The following DPYD variants were observed in gnomAD, a reference collection of about 807,000 sequenced individuals.
The protein encoded by DPYD is dihydropyrimidine dehydrogenase.
DPYD carries 109 observed loss-of-function variants against 116.2 expected under a neutral mutation model. The observed-to-expected ratio is 0.94, with a 90% confidence interval of 0.80 to 1.10. The LOEUF is 1.10. Ranked by LOEUF, DPYD falls within the 50% of genes least tolerant of loss-of-function variation. The pLI is 0.00. For missense variants in DPYD, 1,302 were observed against 1,254.5 expected, an observed-to-expected ratio of 1.04 and a Z score of -0.57; for synonymous variants, 440 against 432.0, an observed-to-expected ratio of 1.02 and a Z score of -0.23.
At chr1:97,871,210 T>A (rs1671643273) in intron 2 of DPYD, among the ~76,000 whole-genome samples, 1 of 151,954 alleles carries the variant, frequency 6.6e-6, no homozygotes, top group South Asian at 2.1e-4. Flanking sequence ...CTTATTGACC[T>A]ATAATACATC....
chr1:97,546,158 G>A (rs1296083930), intron 12 of DPYD: 5 of 1,428,632 alleles, frequency 3.5e-6, no homozygotes, highest in Non-Finnish European at 4.9e-6. Context: ...GTGCTGCAGA[G>A]GAACAGCCAG....
At chr1:97,443,457 T>A (rs1033065192) in intron 14 of DPYD, among the ~76,000 whole-genome samples, 4 of 152,180 alleles carry the variant, frequency 2.6e-5, no homozygotes, top group African/African-American at 9.7e-5. Context: ...CCTTCAATAG[T>A]TGCTTCAGCA....
At chr1:97,316,347 A>G (rs553696518) in intron 16 of DPYD, among the ~76,000 whole-genome samples, 1 of 149,978 alleles carries the variant, frequency 6.7e-6, no homozygotes, top group African/African-American at 2.4e-5. Context: ...AAAAAGAAAA[A>G]AAAAAACAAA....
At chr1:97,234,767 G>A (rs1052888669) in intron 19 of DPYD, 85 bp downstream of exon 19, 8 of 1,560,832 alleles carry the variant, frequency 5.1e-6, no homozygotes, top group South Asian at 1.1e-5. Flanking sequence ...GCCCAAAAAC[G>A]AATCTATTTT....
At chr1:97,261,674 TA>T (rs890735705) in intron 18 of DPYD, among the ~76,000 whole-genome samples, 11 of 152,102 alleles carry the variant, frequency 7.2e-5, no homozygotes, top group African/African-American at 2.4e-4. Context: ...AGTTAAGAGA[TA>T]AAACTGTGTT....
At chr1:97,092,552 A>G (rs1236409160) in intron 21 of DPYD, among the ~76,000 whole-genome samples, 4 of 151,958 alleles carry the variant, frequency 2.6e-5, no homozygotes, top group African/African-American at 9.7e-5. Context: ...AGAACTCCCT[A>G]CTTCTTCATA....
At chr1:97,388,284 T>C (rs1033905305) in intron 14 of DPYD, among the ~76,000 whole-genome samples, 1 of 152,220 alleles carries the variant, frequency 6.6e-6, no homozygotes, top group African/African-American at 2.4e-5. Flanking sequence ...CTAGTAAGCA[T>C]AGCATTAGTG....
chr1:97,582,890 T>G (rs545904062), intron 10 of DPYD, among the ~76,000 whole-genome samples: 20 of 152,232 alleles, frequency 1.3e-4, no homozygotes, highest in African/African-American at 4.8e-4. Flanking sequence ...ATGTAAGGAA[T>G]AATTTAGAGG....
intron 3 of DPYD, among the ~76,000 whole-genome samples, chr1:97,765,974 T>C (rs1025527654): frequency 2.0e-5 from 3 of 152,192 alleles, no homozygotes; most frequent in African/African-American, 7.2e-5. Context: ...CCAGGTGCGG[T>C]GGCTCACGCC....
chr1:97,458,526 C>T (rs1331449262), intron 13 of DPYD, among the ~76,000 whole-genome samples: 1 of 152,122 alleles, frequency 6.6e-6, no homozygotes, highest in Non-Finnish European at 1.5e-5. Context: ...GGTGTTTACC[C>T]TCAAGGTTTT....
chr1:97,912,382 C>T (rs898125126), intron 1 of DPYD, among the ~76,000 whole-genome samples: 3 of 152,044 alleles, frequency 2.0e-5, no homozygotes, highest in Admixed American at 2.0e-4. Flanking sequence ...TTTGATATCT[C>T]CACTCACAAG....
intron 14 of DPYD, among the ~76,000 whole-genome samples, chr1:97,402,914 C>T (rs180720035): frequency 4.1e-5 from 6 of 145,012 alleles, no homozygotes; most frequent in African/African-American, 1.5e-4. Context: ...AATTACATTA[C>T]CTGATTTTTT....
chr1:97,218,772 T>C (rs4511173), intron 19 of DPYD, among the ~76,000 whole-genome samples: 60,568 of 151,762 alleles, frequency 0.4, 12,825 homozygotes, highest in East Asian at 0.54. Context: ...GTGGGCTTTC[T>C]GAGAAGAAGA....
chr1:97,855,963 T>C (rs1670819011), intron 2 of DPYD: 2 of 152,234 alleles, frequency 1.3e-5, no homozygotes, highest in Admixed American at 6.5e-5. Flanking sequence ...GCTACTGTTC[T>C]TGGAGACGAC....
At chr1:97,196,081 T>C (rs1557930042) in intron 19 of DPYD, among the ~76,000 whole-genome samples, 1 of 151,628 alleles carries the variant, frequency 6.6e-6, no homozygotes, top group Admixed American at 6.6e-5. Flanking sequence ...GGTTATAGGT[T>C]ATAGGGTTTT....
At chr1:97,617,957 C>T (rs1219565087) in intron 8 of DPYD, among the ~76,000 whole-genome samples, 1 of 152,138 alleles carries the variant, frequency 6.6e-6, no homozygotes, top group Non-Finnish European at 1.5e-5. Flanking sequence ...CTCAGTTTGC[C>T]ACTTGGGTCC....
In DPYD at chr1:97,865,719, G is replaced by A. The variant is rs150343120; in HGVS notation, c.150+17545C>T. ...CTATGAATATGTAATTGGCAGAACT[G>A]TATGGGCAGACCATGAAGACTGAGC... On this transcript the variant is annotated intron_variant, in intron 2 of 22. Coordinates refer to ENST00000370192, the MANE Select transcript of DPYD (RefSeq NM_000110.4). 1.6e-3 allele frequency among the ~76,000 whole-genome samples: 240 copies of A among 152,054 alleles called. 1 individual carries two copies. Among genetic ancestry groups the A allele is most frequent in the Non-Finnish European group, 1.3e-3 (89 of 67,920 alleles).
chr1:97,196,876 T>C (rs1658854393), intron 19 of DPYD, among the ~76,000 whole-genome samples: 1 of 152,184 alleles, frequency 6.6e-6, no homozygotes, highest in Non-Finnish European at 1.5e-5. Context: ...ATGCATACGT[T>C]TTTAAAAATT....
chr1:97,558,001 G>A (rs1350249338), intron 11 of DPYD, among the ~76,000 whole-genome samples: 1 of 152,064 alleles, frequency 6.6e-6, no homozygotes, highest in South Asian at 2.1e-4. Context: ...TTTGGGTGTG[G>A]GGGCAAGAGA....
Sources: allele counts gnomAD v4.1 joint callset (sites outside exome capture counted in the v4.1 genomes callset), GRCh38; gene constraint gnomAD v4.1.1; transcripts MANE v1.5; gene names NCBI Gene and HGNC (gene_info 2026-07-23, HGNC 2026-07-21).